RGS7: variants seen among roughly 807,000 people sequenced by gnomAD.
RGS7 encodes regulator of G protein signaling 7.
In RGS7, 27 loss-of-function variants were observed where a neutral mutation model predicts 81.1. The observed-to-expected ratio is 0.33, with a 90% confidence interval of 0.25 to 0.46. The LOEUF (loss-of-function observed/expected upper bound fraction) is 0.46, where lower values mean the gene tolerates loss of function less well. Among genes scored for constraint, RGS7 ranks in the 20% least tolerant of loss-of-function variants. RGS7 has a pLI of 1.00. For synonymous variants in RGS7, 208 were observed against 207.7 expected, an observed-to-expected ratio of 1.00 and a Z score of -0.01; for missense variants, 396 against 607.4, an observed-to-expected ratio of 0.65 and a Z score of 3.66.
At chr1:240,824,343 G>A (rs886115130) in intron 10 of RGS7, among the ~76,000 whole-genome samples, 6 of 152,190 alleles carry the variant, frequency 3.9e-5, no homozygotes, top group Admixed American at 6.5e-5. Context: ...TCCTTGCTAC[G>A]AGCATTATCT....
intron 9 of RGS7, among the ~76,000 whole-genome samples, chr1:240,861,436 T>C (rs1662173740): frequency 6.6e-6 from 1 of 152,190 alleles, no homozygotes; most frequent in Non-Finnish European, 1.5e-5. Flanking sequence ...ATGAATCTCA[T>C]TTTCTATCCA....
chr1:241,280,727 C>T (rs2078455213), intron 2 of RGS7, among the ~76,000 whole-genome samples: 1 of 152,188 alleles, frequency 6.6e-6, no homozygotes, highest in Non-Finnish European at 1.5e-5. Flanking sequence ...TCTGGAACTC[C>T]TGGGCTCAAG....
At chr1:241,120,166 T>C (rs1037457996) in intron 2 of RGS7, among the ~76,000 whole-genome samples, 1 of 152,184 alleles carries the variant, frequency 6.6e-6, no homozygotes, top group African/African-American at 2.4e-5. Context: ...TTTTTAATCA[T>C]TTTCCCAGGT....
chr1:241,029,586 A>G (rs1480518966), intron 3 of RGS7, among the ~76,000 whole-genome samples: 1 of 152,238 alleles, frequency 6.6e-6, no homozygotes, highest in Non-Finnish European at 1.5e-5. Context: ...ATGTTACAAC[A>G]TCTGAACAAG....
chr1:241,248,312 G>A (rs1406909042), intron 2 of RGS7, among the ~76,000 whole-genome samples: 2 of 148,774 alleles, frequency 1.3e-5, no homozygotes, highest in Non-Finnish European at 3.0e-5. Context: ...AATTATATAT[G>A]TGCAGAATCC....
intron 2 of RGS7, among the ~76,000 whole-genome samples, chr1:241,321,437 C>T (rs552753345): frequency 9.8e-5 from 15 of 152,308 alleles, no homozygotes; most frequent in Admixed American, 6.5e-4. Context: ...CCACCTCACT[C>T]GGGCTCTATG....
chr1:241,044,596 A>ATT (rs745309934), intron 3 of RGS7, among the ~76,000 whole-genome samples: 22 of 150,832 alleles, frequency 1.5e-4, no homozygotes, highest in African/African-American at 5.4e-4. Flanking sequence ...TAATTTTAAA[A>ATT]TTTATTTATT....
intron 2 of RGS7, among the ~76,000 whole-genome samples, chr1:241,258,337 A>G (rs889986052): frequency 8.5e-5 from 13 of 152,180 alleles, no homozygotes; most frequent in African/African-American, 3.1e-4. Context: ...AAACCATTCT[A>G]GACTAAAGGT....
intron 4 of RGS7, among the ~76,000 whole-genome samples, chr1:240,964,303 G>A (rs986413678): frequency 2.0e-5 from 3 of 152,168 alleles, no homozygotes; most frequent in South Asian, 2.1e-4. Context: ...ATAGGAGATC[G>A]ATCCGATTAC....
chr1:241,057,157 G>A (rs984938162), intron 3 of RGS7, among the ~76,000 whole-genome samples: 1 of 151,704 alleles, frequency 6.6e-6, no homozygotes, highest in Non-Finnish European at 1.5e-5. Flanking sequence ...TTTATATTAT[G>A]TATGTCGTAT....
intron 2 of RGS7, among the ~76,000 whole-genome samples, chr1:241,214,168 AC>A (rs1405198334): frequency 1.3e-5 from 2 of 151,512 alleles, no homozygotes; most frequent in East Asian, 3.9e-4. Flanking sequence ...CAGCCTGAAG[AC>A]CCCCTCCTTG....
At chr1:241,269,985 G>A (rs1331590130) in intron 2 of RGS7, among the ~76,000 whole-genome samples, 1 of 152,160 alleles carries the variant, frequency 6.6e-6, no homozygotes, top group Non-Finnish European at 1.5e-5. Flanking sequence ...TGCCTCTACT[G>A]GTAAGTGAAA....
intron 2 of RGS7, among the ~76,000 whole-genome samples, chr1:241,307,582 G>A (rs931337730): frequency 6.6e-6 from 1 of 152,140 alleles, no homozygotes; most frequent in African/African-American, 2.4e-5. Flanking sequence ...TCTAGGTAAA[G>A]AGAAGATAAA....
intron 2 of RGS7, among the ~76,000 whole-genome samples, chr1:241,292,499 A>C (rs890948109): frequency 1.3e-5 from 2 of 152,216 alleles, no homozygotes; most frequent in African/African-American, 4.8e-5. Context: ...CCCTGGTAGC[A>C]GTGGAGATTG....
At position 241,271,537 on chromosome 1, in the gene RGS7, T is replaced by C. The variant is rs867412814; in HGVS notation, c.78+84162A>G. On this transcript the variant is annotated intron_variant, in intron 2 of 18. Coordinates refer to ENST00000440928, the MANE Select transcript of RGS7 (RefSeq NM_001364886.1). This position sits in a 1 kb window ranked among gnomAD's most constrained non-coding sequence, Gnocchi z 4.6. The stretch of plus-strand genomic sequence containing the variant: ...TGTTTCACAGGAGTGCCCAGGTATC[T>C]GGTTAAACATTATTTTTGGGTGTGT... Among the ~76,000 whole-genome samples the C allele has an allele frequency of 6.6e-6, 1 of 152,230 alleles. No individual in the cohort carries two copies.
chr1:241,309,374 G>A (rs1241172922), intron 2 of RGS7, among the ~76,000 whole-genome samples: 1 of 59,864 alleles, frequency 1.7e-5, no homozygotes, highest in Non-Finnish European at 2.9e-5. Context: ...CAACAAGAGC[G>A]AAACTCCAAC....
At chr1:240,802,793 G>A in intron 16 of RGS7, 111 bp downstream of exon 16, 2 of 794,388 alleles carry the variant, frequency 2.5e-6, no homozygotes, top group Middle Eastern at 2.7e-4. Flanking sequence ...GGGTCTTGGA[G>A]TATGTTCACT....
intron 2 of RGS7, among the ~76,000 whole-genome samples, chr1:241,123,146 G>A (rs577016987): frequency 4.6e-5 from 7 of 152,196 alleles, no homozygotes; most frequent in African/African-American, 1.7e-4. Context: ...ACTTGCCCCA[G>A]AGCCTGCCCT....
In RGS7 at chr1:241,192,159, G is replaced by GGTGTGTGTGTGTGTGT. The variant is rs58714151; in HGVS notation, c.79-93413_79-93398dup. Among the ~76,000 whole-genome samples the GGTGTGTGTGTGTGTGT allele has an allele frequency of 8.7e-3, 1,066 of 121,962 alleles. 23 individuals carry two copies. The highest frequency in any genetic ancestry group is 0.011 in the Non-Finnish European group (691 of 60,332). 80.0% of individuals were successfully genotyped at this position (121,962 alleles called of 152,430 possible). On this transcript the variant is annotated intron_variant, in intron 2 of 18. Transcript: ENST00000440928. Reference sequence around the variant, plus strand: ...CCTGATCATTTGGCTAGAGAAAACAGGTGTGTGTGTGTGTGTGTGTGTGTG... The same window carrying GGTGTGTGTGTGTGTGT: ...CCTGATCATTTGGCTAGAGAAAACAGGTGTGTGTGTGTGTGTGTGTGTGTGTGTGTGTGTGTGTGTG...
Sources: gnomAD v4.1 joint callset for allele counts (sites outside exome capture counted in the v4.1 genomes callset) on GRCh38, gnomAD v4.1.1 for gene constraint, Gnocchi (gnomAD v3.1) non-coding constraint, MANE v1.5 for transcripts, NCBI Gene and HGNC (gene_info 2026-07-23, HGNC 2026-07-21) for gene names.